The following SPTBN5 variants were observed in gnomAD, a reference collection of about 807,000 sequenced individuals.
SPTBN5 encodes the protein spectrin beta, non-erythrocytic 5.
Under a neutral mutation model 477.6 loss-of-function variants are expected in SPTBN5, and 513 were observed. That is an observed-to-expected ratio of 1.07 (90% CI 1.00 to 1.16). The LOEUF (loss-of-function observed/expected upper bound fraction) is 1.16. SPTBN5 is among the 50% of genes most tolerant of loss of function. The pLI is 0.00. For synonymous variants in SPTBN5, 2,169 were observed against 2,011.7 expected, an observed-to-expected ratio of 1.08 and a Z score of -2.09; for missense variants, 5,062 against 4,731.8, an observed-to-expected ratio of 1.07 and a Z score of -2.05.
At position 41,885,929 on chromosome 15, in the gene SPTBN5, A is replaced by G; in HGVS notation, c.1326T>C (p.Leu442=). ...GGTCTAGCACCTGCTCTGCATCCTT[A>G]AGGAAACTCTCCCGGAGGGCTGCCT... The part of the protein sequence containing the change: ...QHKAALRESF[L]KDAEQVLDQA... Residue 442 remains leucine (L), a synonymous_variant, in exon 7 of 68, where the codon CTT becomes CTC. Coordinates refer to ENST00000320955, the MANE Select transcript of SPTBN5 (RefSeq NM_016642.4). The G allele has an allele frequency of 6.3e-7, 1 of 1,577,436 alleles. No individual in the cohort carries two copies. The highest frequency in any genetic ancestry group is 8.6e-7 in the Non-Finnish European group (1 of 1,161,660).
At position 41,862,551 on chromosome 15, in the gene SPTBN5, C is replaced by G. The variant is rs1238224233; in HGVS notation, c.7373G>C (p.Arg2458Thr). 2 of 1,569,422 alleles carry G rather than the reference C, an allele frequency of 1.3e-6. No homozygotes were observed. The highest frequency in any genetic ancestry group is 1.7e-6 in the Non-Finnish European group (2 of 1,157,692). The change falls in exon 43 of 68, where the codon AGG (arginine) becomes ACG (threonine). Residue 2458 changes from arginine (R) to threonine (T), a missense_variant. By Grantham distance (71) the Arg-to-Thr change is moderately conservative (BLOSUM62 -1). Transcript: ENST00000320955. ...TGCGGGTTCATACCGCTTCTGGGCC[C>G]TGCTCCGGAGCTGCCACCAGCTCTC... ...VAESWWQLRS[R>T]AQKRREALDA...
rs545112068 is a variant in SPTBN5, at chr15:41,866,160, G to A, written c.6700C>T (p.Arg2234Trp). ...GEVSQRLQGL[R>W]KHWEDLRQAM... ...TGCCTCAGGTCCTCCCAGTGCTTCCGCAGGCCCTGCAGCCGCTGGGAGACC... is the reference window on the plus strand; with the variant it reads ...TGCCTCAGGTCCTCCCAGTGCTTCCACAGGCCCTGCAGCCGCTGGGAGACC... The change falls in exon 38 of 68, where the codon CGG becomes TGG. Residue 2234 changes from arginine to tryptophan, a missense_variant. Coordinates refer to ENST00000320955, the MANE Select transcript of SPTBN5 (RefSeq NM_016642.4). 32 of 1,565,138 alleles carry A rather than the reference G, an allele frequency of 2.0e-5. 1 individual carries two copies. Among genetic ancestry groups the A allele is most frequent in the Admixed American group, 1.1e-4 (6 of 53,018 alleles).
chr15:41,892,765 C>G lies in SPTBN5; in HGVS notation c.384+129G>C. On this transcript the variant is annotated intron_variant, in intron 3 of 67. Transcript: ENST00000320955. Reference sequence around the variant, plus strand: ...TCTGCTCCTCTGTGTCCCAGCCACTCCTCCTGTACTCAGGCCCCAGCTCCT... The same window carrying G: ...TCTGCTCCTCTGTGTCCCAGCCACTGCTCCTGTACTCAGGCCCCAGCTCCT... 7 of 1,088,658 alleles carry G rather than the reference C, an allele frequency of 6.4e-6. No homozygotes were observed. The South Asian group carries it at 1.2e-4, about 18-fold the overall frequency. The allele number at this position is 1,088,658 out of a possible 1,614,324, so 67.4% of individuals were successfully genotyped here.
chr15:41,860,814 C>A (rs2066080708), intron 46 of SPTBN5, 56 bp from the exon 47 acceptor site: 2 of 1,406,448 alleles, frequency 1.4e-6, no homozygotes, highest in African/African-American at 2.9e-5. Context: ...CCATCCCAGG[C>A]TACCTGCCTT....
intron 32 of SPTBN5, among the ~76,000 whole-genome samples, chr15:41,869,007 C>A (rs1184753654): frequency 6.6e-6 from 1 of 152,204 alleles, no homozygotes; most frequent in East Asian, 1.9e-4. Context: ...GCAAAGCCTT[C>A]CCTGGTATTT....
At chr15:41,874,515 C>T in intron 23 of SPTBN5, 37 bp from the exon 24 acceptor site, 1 of 1,521,936 alleles carries the variant, frequency 6.6e-7, no homozygotes, top group Non-Finnish European at 8.9e-7. Context: ...AGGTTGGGAA[C>T]AGAGTGAGCA....
At chr15:41,853,200 C>T in intron 59 of SPTBN5, 58 bp downstream of exon 59, 1 of 1,539,124 alleles carries the variant, frequency 6.5e-7, no homozygotes, top group East Asian at 2.3e-5. Context: ...GCCCTGAGGC[C>T]CTGGGCAATC....
At chr15:41,866,260 TG>T (rs750486920) in intron 37 of SPTBN5, 31 bp from the exon 38 acceptor site, 29 of 1,579,344 alleles carry the variant, frequency 1.8e-5, no homozygotes, top group Non-Finnish European at 1.0e-5. Flanking sequence ...CAGGACATCT[TG>T]CCTGCTGCAC....
chr15:41,877,088 A>G, intron 18 of SPTBN5, 28 bp downstream of exon 18: 4 of 1,611,914 alleles, frequency 2.5e-6, no homozygotes, highest in African/African-American at 1.3e-5. Flanking sequence ...GGGGAGTGAC[A>G]GCCTAGCTCC....
chr15:41,851,586 G>GA (rs1229674383), intron 63 of SPTBN5, among the ~76,000 whole-genome samples, 193 bp downstream of exon 63: 1 of 151,184 alleles, frequency 6.6e-6, no homozygotes, highest in Admixed American at 6.6e-5. Flanking sequence ...CCTCCTGGTG[G>GA]GGGTGGGTAG....
chr15:41,880,308 C>T lies in SPTBN5; in HGVS notation c.2663G>A (p.Arg888His), dbSNP rs768235905. The change falls in exon 14 of 68, where the codon CGC (arginine) becomes CAC (histidine). Residue 888 changes from arginine (R) to histidine (H), a missense_variant. By Grantham distance (29) the Arg-to-His change is conservative. Transcript: ENST00000320955. ...CATGGCCTCCTCCAACCGGGCCCTG[C>T]GGAGCTGGGGAGAGGTGGCCCAAGG... ...YESLRALAQL[R>H]RARLEEAMAL... 14 of 1,600,884 alleles carry T rather than the reference C, an allele frequency of 8.7e-6. No homozygotes were observed. Among genetic ancestry groups the T allele is most frequent in the South Asian group, 3.4e-5 (3 of 88,328 alleles).
chr15:41,880,975 G>A lies in SPTBN5; in HGVS notation c.2658+59C>T, dbSNP rs140143739. On this transcript the variant is annotated intron_variant, in intron 13 of 67. Coordinates refer to ENST00000320955, the MANE Select transcript of SPTBN5 (RefSeq NM_016642.4). The stretch of plus-strand genomic sequence containing the variant: ...CACTGCCTTGTCCCCTGGGATCACT[G>A]CACAGGAGCTGCTGGCACAGAGTAA... The A allele has an allele frequency of 1.2e-4, 175 of 1,457,670 alleles. No individual in the cohort carries two copies. In the East Asian group the frequency reaches 4.0e-3, roughly 33 times the overall value. 90.3% of individuals were successfully genotyped at this position (1,457,670 alleles called of 1,614,324 possible).
chr15:41,893,773 C>G (rs2067385830), intron 1 of SPTBN5, 126 bp downstream of exon 1: 2 of 561,844 alleles, frequency 3.6e-6, no homozygotes, highest in Non-Finnish European at 6.3e-6. Context: ...GCTGCCAGGT[C>G]CCTCCACCAC....
Position 41,861,830 on chromosome 15 carries a change from G to T in SPTBN5, c.7642C>A (p.Arg2548Ser), listed in dbSNP as rs368720228. ...TAGHPFSSDI[R>S]QVLAGLEQEL... The stretch of plus-strand genomic sequence containing the variant: ...TGTTCTAAGCCAGCCAGCACCTGGC[G>T]AATGTCGGAGCTGAAGGGGTGCCCC... Residue 2548 changes from arginine (R) to serine (S), a missense_variant, in exon 45 of 68, where the codon CGC (arginine) becomes AGC (serine). Coordinates refer to ENST00000320955, the MANE Select transcript of SPTBN5 (RefSeq NM_016642.4). 1.2e-6 allele frequency: 2 copies of T among 1,603,782 alleles called. No homozygotes were observed. The highest frequency in any genetic ancestry group is 2.7e-5 in the African/African-American group (2 of 74,844).
rs749657881 is a variant in SPTBN5, at chr15:41,850,933, G to T, written c.10842C>A (p.Thr3614=). 52 of 1,573,390 alleles carry T rather than the reference G, an allele frequency of 3.3e-5. No homozygotes were observed. The East Asian group carries it at 4.3e-4, about 13-fold the overall frequency. The change falls in exon 66 of 68, where the codon ACC becomes ACA. Residue 3614 remains threonine, a synonymous_variant. Transcript: ENST00000320955. ...GRKHTFSLRL[T]SGAEILFAAP... ...CTGCAAACAGGATCTCTGCCCCACTGGTCAGCCTGGCACCCACAGTCACAG... is the reference window on the plus strand; with the variant it reads ...CTGCAAACAGGATCTCTGCCCCACTTGTCAGCCTGGCACCCACAGTCACAG...
chr15:41,870,019 A>C lies in SPTBN5; in HGVS notation c.5675T>G (p.Leu1892Arg), dbSNP rs764633022. 2 of 1,485,784 alleles carry C rather than the reference A, an allele frequency of 1.3e-6. No individual in the cohort carries two copies. The highest frequency in any genetic ancestry group is 1.8e-6 in the Non-Finnish European group (2 of 1,115,256). 92.0% of individuals were successfully genotyped at this position (1,485,784 alleles called of 1,614,324 possible). A position where few individuals can be genotyped will look rare whatever the true frequency, so the allele number is the denominator to read the frequency against. The change falls in exon 32 of 68, where the codon CTG becomes CGG. Residue 1892 changes from leucine (L) to arginine (R), a missense_variant and splice_region_variant. Physicochemically the swap from Leu to Arg is moderately radical, Grantham distance 102. Transcript: ENST00000320955. ...GCCTGCAGTCTCCAGCAGTTCCTGC[A>C]GCTGCGGGAGGGGCAGGGAATAGGG... Reference protein sequence around the residue: ...ERELVGTERQLQELLETAGRV... With the variant: ...ERELVGTERQRQELLETAGRV...
At chr15:41,860,010 G>A (rs747627939) in intron 47 of SPTBN5, among the ~76,000 whole-genome samples, 5 of 152,214 alleles carry the variant, frequency 3.3e-5, no homozygotes, top group African/African-American at 4.8e-5. Context: ...AACCTGATGA[G>A]CTTTTACAGG....
chr15:41,853,008 G>C lies in SPTBN5; in HGVS notation c.10171-8C>G. Reference sequence around the variant, plus strand: ...CTGCAGGCACTCTGTCACCTGGTGGGGAGGGGCTGCTATGGGTGACAGCTT... The same window carrying C: ...CTGCAGGCACTCTGTCACCTGGTGGCGAGGGGCTGCTATGGGTGACAGCTT... On this transcript the variant is annotated splice_region_variant and splice_polypyrimidine_tract_variant and intron_variant, in intron 59 of 67. Transcript: ENST00000320955. 6.6e-7 allele frequency: 1 copy of C among 1,516,384 alleles called. No individual in the cohort carries two copies. 93.9% of individuals were successfully genotyped at this position (1,516,384 alleles called of 1,614,324 possible).
intron 7 of SPTBN5, 85 bp from the exon 8 acceptor site, chr15:41,883,571 G>A: frequency 1.3e-6 from 2 of 1,523,650 alleles, no homozygotes; most frequent in Non-Finnish European, 8.9e-7. Context: ...GTGGGGCTTG[G>A]CTGCCCTGGA....
Sources: allele counts gnomAD v4.1 joint callset (sites outside exome capture counted in the v4.1 genomes callset), GRCh38; gene constraint gnomAD v4.1.1; transcripts MANE v1.5; gene names NCBI Gene and HGNC (gene_info 2026-07-23, HGNC 2026-07-21).